Variants in GRIN2B observed in about 807,000 individuals in gnomAD.
GRIN2B encodes the protein glutamate ionotropic receptor NMDA type subunit 2B.
In GRIN2B, 5 loss-of-function variants were observed where a neutral mutation model predicts 114.5. That is an observed-to-expected ratio of 0.04 (90% CI 0.02 to 0.09). The LOEUF (loss-of-function observed/expected upper bound fraction) is 0.09. Ranked by LOEUF, GRIN2B falls within the 10% of genes least tolerant of loss-of-function variation. The pLI is 1.00. For synonymous variants in GRIN2B, 787 were observed against 745.1 expected, an observed-to-expected ratio of 1.06 and a Z score of -0.92; for missense variants, 1,108 against 1,943.5, an observed-to-expected ratio of 0.57 and a Z score of 8.08.
In GRIN2B at chr12:13,753,407, A is replaced by G; in HGVS notation, c.920T>C (p.Met307Thr). ...AGGGATGAAGCTGTGCTCAGACAGC[A>G]TGTCAGAAGCAGCAGTGGTGATTAT... is the stretch of plus-strand genomic sequence containing the variant. Reference protein sequence around the residue: ...IAIITTAASDMLSEHSFIPEP... With the variant: ...IAIITTAASDTLSEHSFIPEP... The change falls in exon 4 of 14, where the codon ATG becomes ACG. Residue 307 changes from methionine to threonine, a missense_variant. Coordinates refer to ENST00000609686, the MANE Select transcript of GRIN2B (RefSeq NM_000834.5). This position sits in a 1 kb window ranked among gnomAD's most constrained non-coding sequence, Gnocchi z 6.2. 1 of 1,613,840 alleles carries G rather than the reference A, an allele frequency of 6.2e-7. No individual in the cohort carries two copies. Among genetic ancestry groups the G allele is most frequent in the Non-Finnish European group, 8.5e-7 (1 of 1,179,670 alleles).
intron 12 of GRIN2B, among the ~76,000 whole-genome samples, chr12:13,569,073 G>A (rs1440372751): frequency 6.6e-6 from 1 of 152,192 alleles, no homozygotes; most frequent in Non-Finnish European, 1.5e-5. Flanking sequence ...TTGGCCACAT[G>A]TGAGATGACT....
At chr12:13,713,783 C>T (rs1164300898) in intron 4 of GRIN2B, among the ~76,000 whole-genome samples, 2 of 151,812 alleles carry the variant, frequency 1.3e-5, no homozygotes, top group East Asian at 1.9e-4. Context: ...TCTGTGTCTA[C>T]AAGATGTTTC....
chr12:13,640,865 A>T (rs1949708367), intron 5 of GRIN2B, among the ~76,000 whole-genome samples: 1 of 152,092 alleles, frequency 6.6e-6, no homozygotes, highest in African/African-American at 2.4e-5. Flanking sequence ...AATGAGGTTT[A>T]AAAAAAATTT....
chr12:13,942,985 C>A lies in GRIN2B; in HGVS notation c.-19+36943G>T, dbSNP rs112001065. On this transcript the variant is annotated intron_variant, in intron 2 of 13. Transcript: ENST00000609686. ...CTGGTCCCTCAGAGGCCCTCCCATC[C>A]CGGTTCATGGAGAAAAGCATCTCTT... 7.2e-3 allele frequency among the ~76,000 whole-genome samples: 1,095 copies of A among 152,154 alleles called. 16 individuals are homozygous for A. The highest frequency in any genetic ancestry group is 0.025 in the African/African-American group (1,053 of 41,490).
At chr12:13,750,825 G>A (rs2136626204) in intron 4 of GRIN2B, among the ~76,000 whole-genome samples, 1 of 152,244 alleles carries the variant, frequency 6.6e-6, no homozygotes, top group South Asian at 2.1e-4. Flanking sequence ...GAGTGCTATG[G>A]GAGGGTCACT....
intron 3 of GRIN2B, 110 bp downstream of exon 3, chr12:13,865,688 G>T: frequency 1.1e-6 from 1 of 908,822 alleles, no homozygotes; most frequent in Non-Finnish European, 1.8e-6. Flanking sequence ...CGCTGTCAAT[G>T]CAATCTGGTT....
At chr12:13,930,701 AT>A (rs1867011274) in intron 2 of GRIN2B, among the ~76,000 whole-genome samples, 1 of 152,226 alleles carries the variant, frequency 6.6e-6, no homozygotes, top group African/African-American at 2.4e-5. Context: ...GGAGCTGCTT[AT>A]AAAAGGATGA....
intron 5 of GRIN2B, among the ~76,000 whole-genome samples, chr12:13,673,539 A>G (rs183268558): frequency 2.2e-4 from 34 of 152,254 alleles, no homozygotes; most frequent in African/African-American, 7.7e-4. Flanking sequence ...AAAGGCAGGT[A>G]CCAGGGACAA....
chr12:13,861,570 C>T (rs1565566017), intron 3 of GRIN2B, among the ~76,000 whole-genome samples: 1 of 152,102 alleles, frequency 6.6e-6, no homozygotes, highest in Non-Finnish European at 1.5e-5. Flanking sequence ...CATTACTATT[C>T]GAAACAGTCT....
intron 5 of GRIN2B, among the ~76,000 whole-genome samples, chr12:13,636,809 G>A (rs757811883): frequency 1.2e-4 from 18 of 152,152 alleles, no homozygotes; most frequent in Non-Finnish European, 2.1e-4. Flanking sequence ...CTGTATCTCT[G>A]TCTCTGAATC....
chr12:13,614,553 G>A (rs1949410699), intron 8 of GRIN2B, among the ~76,000 whole-genome samples: 1 of 151,976 alleles, frequency 6.6e-6, no homozygotes, highest in African/African-American at 2.4e-5. Flanking sequence ...ATGCTGGAGA[G>A]AATGGTATGG....
chr12:13,782,314 C>T (rs985945651), intron 3 of GRIN2B, among the ~76,000 whole-genome samples: 6 of 151,974 alleles, frequency 3.9e-5, no homozygotes, highest in Non-Finnish European at 7.4e-5. Flanking sequence ...CTCTCTCTCC[C>T]CGCTCCCTCT....
At chr12:13,690,553 CT>C (rs1565501533) in intron 4 of GRIN2B, among the ~76,000 whole-genome samples, 1 of 152,052 alleles carries the variant, frequency 6.6e-6, no homozygotes, top group Non-Finnish European at 1.5e-5. Flanking sequence ...TGCCCAGACT[CT>C]TTTTAAACTT....
At chr12:13,802,342 T>C (rs1864530762) in intron 3 of GRIN2B, among the ~76,000 whole-genome samples, 2 of 152,148 alleles carry the variant, frequency 1.3e-5, no homozygotes, top group Non-Finnish European at 2.9e-5. Context: ...GGGAAGTGGA[T>C]ATTCTCATAC....
At chr12:13,592,151 C>T (rs1386974195) in intron 10 of GRIN2B, among the ~76,000 whole-genome samples, 5 of 151,998 alleles carry the variant, frequency 3.3e-5, no homozygotes, top group Non-Finnish European at 7.4e-5. Context: ...GTGTTTGGGC[C>T]ATTGTAGGAG....
At chr12:13,868,709 C>G (rs974383180) in intron 2 of GRIN2B, among the ~76,000 whole-genome samples, 3 of 152,146 alleles carry the variant, frequency 2.0e-5, no homozygotes, top group African/African-American at 7.2e-5. Flanking sequence ...TCTTGTGTTC[C>G]TTTATCTTGT....
intron 5 of GRIN2B, among the ~76,000 whole-genome samples, chr12:13,651,499 T>C (rs1436317158): frequency 2.0e-5 from 3 of 152,140 alleles, no homozygotes; most frequent in Admixed American, 2.0e-4. Context: ...ATATTCAGCA[T>C]AAAATGGTGG....
chr12:13,602,026 A>T (rs1274068931), intron 10 of GRIN2B, among the ~76,000 whole-genome samples: 3 of 152,106 alleles, frequency 2.0e-5, no homozygotes, highest in Non-Finnish European at 2.9e-5. Context: ...TTCTGGACCC[A>T]TTTGGATGGA....
chr12:13,961,958 A>G (rs1867700221), intron 2 of GRIN2B, among the ~76,000 whole-genome samples: 1 of 152,200 alleles, frequency 6.6e-6, no homozygotes, highest in Non-Finnish European at 1.5e-5. Flanking sequence ...CCACCTGAGC[A>G]GCATTTCAAA....
Sources: allele counts gnomAD v4.1 joint callset (sites outside exome capture counted in the v4.1 genomes callset), GRCh38; gene constraint gnomAD v4.1.1; non-coding constraint Gnocchi (gnomAD v3.1); transcripts MANE v1.5; gene names NCBI Gene and HGNC (gene_info 2026-07-23, HGNC 2026-07-21).